Variants in BMPR1B observed in about 807,000 individuals in gnomAD.
BMPR1B encodes the protein bone morphogenetic protein receptor type 1B.
A neutral mutation model predicts 59.1 loss-of-function variants in BMPR1B; 12 were observed. That is an observed-to-expected ratio of 0.20 (90% CI 0.13 to 0.33). The LOEUF (loss-of-function observed/expected upper bound fraction) is 0.33. BMPR1B is among the 10% of genes least tolerant of loss of function. The pLI is 1.00. For missense variants in BMPR1B, 550 were observed against 610.9 expected, an observed-to-expected ratio of 0.90 and a Z score of 1.05; for synonymous variants, 237 against 207.3, an observed-to-expected ratio of 1.14 and a Z score of -1.23.
chr4:94,905,942 A>T (rs2149005815), intron 2 of BMPR1B, among the ~76,000 whole-genome samples: 1 of 149,914 alleles, frequency 6.7e-6, no homozygotes, highest in East Asian at 2.0e-4. Context: ...ACGAATAGAC[A>T]TTTATTTTCC....
At chr4:94,802,702 A>G (rs1723454688) in intron 1 of BMPR1B, among the ~76,000 whole-genome samples, 1 of 152,186 alleles carries the variant, frequency 6.6e-6, no homozygotes, top group South Asian at 2.1e-4. Flanking sequence ...AGAAAAGTGT[A>G]TTATTTTGTG....
chr4:95,016,710 A>G (rs1723612219), intron 3 of BMPR1B, among the ~76,000 whole-genome samples: 1 of 152,216 alleles, frequency 6.6e-6, no homozygotes, highest in Admixed American at 6.5e-5. Context: ...GTCCAGGGCA[A>G]GAGTACAAAT....
chr4:94,859,849 G>T (rs533577722), intron 1 of BMPR1B, among the ~76,000 whole-genome samples: 2 of 151,980 alleles, frequency 1.3e-5, no homozygotes, highest in East Asian at 1.9e-4. Flanking sequence ...ATTACTAAAG[G>T]GTGGCATGGT....
intron 2 of BMPR1B, among the ~76,000 whole-genome samples, chr4:94,976,334 G>A (rs1285185225): frequency 6.6e-6 from 1 of 152,158 alleles, no homozygotes; most frequent in African/African-American, 2.4e-5. Context: ...TTTATGCCAT[G>A]GTCAGAAATT....
chr4:95,116,685 G>T (rs1039973380), intron 6 of BMPR1B, among the ~76,000 whole-genome samples: 1 of 150,288 alleles, frequency 6.7e-6, no homozygotes, highest in East Asian at 2.0e-4. Context: ...TGTCATCATA[G>T]TTCATTGCAA....
intron 3 of BMPR1B, among the ~76,000 whole-genome samples, chr4:95,049,513 C>G (rs534196223): frequency 8.1e-4 from 100 of 123,870 alleles, no homozygotes; most frequent in African/African-American, 3.0e-3. Context: ...ATTCAGAGTC[C>G]TGCACAATTT....
chr4:95,024,633 T>C (rs534078426), intron 3 of BMPR1B, among the ~76,000 whole-genome samples: 4 of 152,304 alleles, frequency 2.6e-5, no homozygotes, highest in African/African-American at 9.6e-5. Flanking sequence ...TGCGACATTG[T>C]TGTGAACATG....
chr4:94,909,368 G>A (rs1246204355), intron 2 of BMPR1B, among the ~76,000 whole-genome samples: 1 of 151,988 alleles, frequency 6.6e-6, no homozygotes, highest in Non-Finnish European at 1.5e-5. Context: ...GGAAAAGCAA[G>A]AGTATGAAAC....
intron 1 of BMPR1B, among the ~76,000 whole-genome samples, chr4:94,806,485 A>AATACCTATCT (rs1317114687): frequency 6.6e-6 from 1 of 152,222 alleles, no homozygotes; most frequent in Non-Finnish European, 1.5e-5. Context: ...AAATGAGAGC[A>AATACCTATCT]ATACCTATCT....
chr4:95,104,414 T>G lies in BMPR1B; in HGVS notation c.-11T>G. On this transcript the variant is annotated 5_prime_UTR_variant, in exon 4 of 13. Transcript: ENST00000515059. ...TCACTATTTCTTCTTTCAGCAAACTTCCTTGATAACATGCTTTTGCGAAGT... is the reference window on the plus strand; with the variant it reads ...TCACTATTTCTTCTTTCAGCAAACTGCCTTGATAACATGCTTTTGCGAAGT... 1 of 1,613,010 alleles carries G rather than the reference T, an allele frequency of 6.2e-7. No homozygotes were observed.
chr4:95,124,931 C>A, intron 7 of BMPR1B, 52 bp from the exon 8 acceptor site: 2 of 1,530,708 alleles, frequency 1.3e-6, no homozygotes, highest in South Asian at 2.2e-5. Context: ...CAATATTTTA[C>A]TCCATCATTG....
intron 1 of BMPR1B, among the ~76,000 whole-genome samples, chr4:94,835,328 C>T (rs1724763450): frequency 6.6e-6 from 1 of 152,126 alleles, no homozygotes; most frequent in Admixed American, 6.5e-5. Context: ...TACCACCATG[C>T]CTGGCTTTAA....
chr4:94,859,026 T>A (rs955161100), intron 1 of BMPR1B, among the ~76,000 whole-genome samples: 1 of 152,162 alleles, frequency 6.6e-6, no homozygotes, highest in Admixed American at 6.5e-5. Context: ...TAATTTATAA[T>A]TGCCTTAATT....
intron 1 of BMPR1B, among the ~76,000 whole-genome samples, chr4:94,779,956 T>TC (rs1318071083): frequency 3.9e-5 from 6 of 152,034 alleles, no homozygotes; most frequent in African/African-American, 1.2e-4. Flanking sequence ...TCGTAAAAGT[T>TC]CCCCCCCTTC....
chr4:95,107,518 G>A (rs905195189), intron 4 of BMPR1B, among the ~76,000 whole-genome samples: 4 of 152,002 alleles, frequency 2.6e-5, no homozygotes, highest in Non-Finnish European at 5.9e-5. Context: ...TACCATTGCC[G>A]TCAACATCAA....
chr4:94,890,723 C>T (rs1399488626), intron 2 of BMPR1B, among the ~76,000 whole-genome samples: 2 of 152,022 alleles, frequency 1.3e-5, no homozygotes, highest in Non-Finnish European at 2.9e-5. Context: ...CCTCTTACAG[C>T]GTCCTTACGT....
At chr4:95,132,837 G>C (rs1733466795) in intron 10 of BMPR1B, among the ~76,000 whole-genome samples, 1 of 152,086 alleles carries the variant, frequency 6.6e-6, no homozygotes, top group Non-Finnish European at 1.5e-5. Context: ...TGTATTCAGA[G>C]ACACCACTGG....
intron 3 of BMPR1B, among the ~76,000 whole-genome samples, chr4:95,094,904 A>G (rs1897810): frequency 0.23 from 35,257 of 151,982 alleles, 4,655 homozygotes; most frequent in East Asian, 0.43. Context: ...CACAGTTAAT[A>G]TTAGAAAATC....
intron 4 of BMPR1B, among the ~76,000 whole-genome samples, chr4:95,106,938 T>A (rs988298804): frequency 6.6e-6 from 1 of 151,576 alleles, no homozygotes; most frequent in Admixed American, 6.6e-5. Context: ...TTTTTTTTTT[T>A]ATTTTGGATC....
Sources: gnomAD v4.1 joint callset for allele counts (sites outside exome capture counted in the v4.1 genomes callset) on GRCh38, gnomAD v4.1.1 for gene constraint, MANE v1.5 for transcripts, NCBI Gene and HGNC (gene_info 2026-07-23, HGNC 2026-07-21) for gene names.